Variants in METTL22 observed in about 807,000 individuals in gnomAD.
METTL22 encodes the protein methyltransferase 22, Kin17 lysine, also known as methyltransferase-like protein 22.
In METTL22, 51 loss-of-function variants were observed where a neutral mutation model predicts 48.4. That is an observed-to-expected ratio of 1.05 (90% CI 0.84 to 1.33). The LOEUF is 1.33. Among genes scored for constraint, METTL22 ranks in the 40% most tolerant of loss-of-function variants. The pLI is 0.00. For synonymous variants in METTL22, 255 were observed against 214.1 expected, an observed-to-expected ratio of 1.19 and a Z score of -1.67; for missense variants, 678 against 526.9, an observed-to-expected ratio of 1.29 and a Z score of -2.81.
chr16:8,644,589 CA>C lies in METTL22; in HGVS notation c.1044del (p.Cys349ValfsTer55). 2 of 1,592,528 alleles carry C rather than the reference CA, an allele frequency of 1.3e-6. No individual in the cohort carries two copies. The highest frequency in any genetic ancestry group is 1.7e-6 in the Non-Finnish European group (2 of 1,168,736). On this transcript the variant is annotated frameshift_variant, in exon 10 of 11. Coordinates refer to ENST00000381920, the MANE Select transcript of METTL22 (RefSeq NM_024109.4). LOFTEE classifies it high-confidence loss of function. ...LNFTLRHLDV[T>X]CEAYDHFRSC... ...TTCACATTGAGACACTTGGACGTCACATGTGAAGCCTACGATCACTTCCGCT... is the reference window on the plus strand; with the variant it reads ...TTCACATTGAGACACTTGGACGTCACTGTGAAGCCTACGATCACTTCCGCT...
In METTL22 at chr16:8,646,175, C is replaced by CA; in HGVS notation, c.*32_*33insA. On this transcript the variant is annotated 3_prime_UTR_variant, in exon 11 of 11. Coordinates refer to ENST00000381920, the MANE Select transcript of METTL22 (RefSeq NM_024109.4). Reference sequence around the variant, plus strand: ...GCCTCCACAAGGCGCGGCGTCTCGACTGTTCTTAGAGTGTATTTCTAGTAA... The same window carrying CA: ...GCCTCCACAAGGCGCGGCGTCTCGACATGTTCTTAGAGTGTATTTCTAGTAA... 1 of 1,613,314 alleles carries CA rather than the reference C, an allele frequency of 6.2e-7. No homozygotes were observed. The highest frequency in any genetic ancestry group is 8.5e-7 in the Non-Finnish European group (1 of 1,179,286).
chr16:8,642,444 G>A lies in METTL22; in HGVS notation c.908-19G>A, dbSNP rs1356009882. The A allele has an allele frequency of 3.7e-6, 6 of 1,610,614 alleles. No individual in the cohort carries two copies. The highest frequency in any genetic ancestry group is 5.1e-6 in the Non-Finnish European group (6 of 1,176,952). On this transcript the variant is annotated intron_variant, in intron 8 of 10. Transcript: ENST00000381920. ...ATTTGCGTGTTTTCCTCTAATGCTG[G>A]CCTTTTTGCTTCCCACAGTGTTTTA...
At chr16:8,663,570 T>C in the METTL22 span, among the ~76,000 whole-genome samples, 1 of 151,592 alleles carries the variant, frequency 6.6e-6, no homozygotes, top group South Asian at 2.1e-4. Flanking sequence ...GGGCCCCACC[T>C]GGAGGCTGGG....
intron 9 of METTL22, 153 bp downstream of exon 9, chr16:8,642,718 T>A: frequency 1.4e-6 from 1 of 737,044 alleles, no homozygotes; most frequent in Non-Finnish European, 2.4e-6. Context: ...ATCCTTTGTG[T>A]ACGTTACTGC....
chr16:8,633,766 A>G (rs2056338152), intron 3 of METTL22, among the ~76,000 whole-genome samples: 1 of 152,270 alleles, frequency 6.6e-6, no homozygotes, highest in Non-Finnish European at 1.5e-5. Context: ...ATTAAATGAG[A>G]AAGCATTTAG....
intron 9 of METTL22, chr16:8,642,868 C>A: frequency 2.3e-6 from 1 of 430,290 alleles, no homozygotes; most frequent in Admixed American, 3.5e-5. Context: ...GCAGACTGTA[C>A]TGGAACCTCA....
In METTL22 at chr16:8,649,338, G is replaced by A. The variant is rs368204893; in HGVS notation, c.*3195G>A. The A allele has an allele frequency of 7.9e-5, 12 of 152,180 alleles. No individual in the cohort carries two copies. The highest frequency in any genetic ancestry group is 2.4e-4 in the African/African-American group (10 of 41,446). The allele number at this position is 152,180 out of a possible 1,614,324, so 9.4% of individuals were successfully genotyped here. ...CTTGTTTGAGCCTCTACAAGTGCTT[G>A]TTTGGCAGCGATATTCAGAATCACC... On this transcript the variant is annotated 3_prime_UTR_variant, in exon 11 of 11. Coordinates refer to ENST00000381920, the MANE Select transcript of METTL22 (RefSeq NM_024109.4).
chr16:8,666,102 C>A, the METTL22 span, among the ~76,000 whole-genome samples: 169 of 152,258 alleles, frequency 1.1e-3, 3 homozygotes, highest in Non-Finnish European at 2.8e-4. Flanking sequence ...TGAGACTCAC[C>A]CTGAGGGTGT....
At chr16:8,658,169 A>G in the METTL22 span, among the ~76,000 whole-genome samples, 1 of 152,188 alleles carries the variant, frequency 6.6e-6, no homozygotes, top group South Asian at 2.1e-4. Flanking sequence ...CACAGTGAAG[A>G]TGGCCTATGA....
chr16:8,641,268 C>T, intron 7 of METTL22, 84 bp downstream of exon 7: 1 of 1,359,178 alleles, frequency 7.4e-7, no homozygotes, highest in Non-Finnish European at 1.0e-6. Context: ...GTGGTTTTGA[C>T]AGAGCTGTAG....
At chr16:8,661,906 G>C in the METTL22 span, among the ~76,000 whole-genome samples, 3 of 144,460 alleles carry the variant, frequency 2.1e-5, no homozygotes, top group East Asian at 6.0e-4. Flanking sequence ...GTAAGCTAAG[G>C]CTCGAATCTT....
chr16:8,651,406 T>C (rs1463594981), downstream of METTL22, among the ~76,000 whole-genome samples: 2 of 36,604 alleles, frequency 5.5e-5, 1 homozygote. Context: ...AAAAAAAACA[T>C]ACTAAATGAT....
chr16:8,662,464 T>C, the METTL22 span, among the ~76,000 whole-genome samples: 1 of 144,536 alleles, frequency 6.9e-6, no homozygotes, highest in African/African-American at 2.6e-5. Context: ...ACAGTCTTAT[T>C]CTGCCTGCCT....
chr16:8,633,632 G>A (rs1323232058), intron 3 of METTL22, among the ~76,000 whole-genome samples: 4 of 152,282 alleles, frequency 2.6e-5, no homozygotes, highest in African/African-American at 9.6e-5. Flanking sequence ...GAAAACTGCA[G>A]ATGACCTGAC....
In METTL22 at chr16:8,625,786, G is replaced by T; in HGVS notation, c.121G>T (p.Val41Leu). The part of the protein sequence containing the change: ...HRHLMVRLNS[V>L]GQPVFLSQFK... ...ACATCTCATGGTACGGCTGAACAGC[G>T]TGGGGCAGCCAGGTAAGGTCCTGGG... Residue 41 changes from valine (V) to leucine (L), a missense_variant, in exon 2 of 11, where the codon GTG becomes TTG. By Grantham distance (32) the Val-to-Leu change is conservative. Transcript: ENST00000381920. 1 of 1,614,170 alleles carries T rather than the reference G, an allele frequency of 6.2e-7. No individual in the cohort carries two copies. Among genetic ancestry groups the T allele is most frequent in the Non-Finnish European group, 8.5e-7 (1 of 1,180,016 alleles).
downstream of METTL22, among the ~76,000 whole-genome samples, chr16:8,651,291 G>A (rs577649546): frequency 9.3e-5 from 14 of 150,230 alleles, no homozygotes; most frequent in East Asian, 1.8e-3. Context: ...GGAGGCTAAG[G>A]CAGTAGAATG....
chr16:8,645,776 T>G, intron 10 of METTL22: 1 of 382,778 alleles, frequency 2.6e-6, no homozygotes, highest in Non-Finnish European at 3.9e-6. Flanking sequence ...ATCCTGTCTC[T>G]AAAATAAAAT....
At chr16:8,666,288 C>T in the METTL22 span, among the ~76,000 whole-genome samples, 2 of 152,158 alleles carry the variant, frequency 1.3e-5, no homozygotes, top group Admixed American at 6.5e-5. Flanking sequence ...TCTGTGCCGG[C>T]TCCCAGTGTT....
At chr16:8,643,116 G>A (rs2056675974) in intron 9 of METTL22, among the ~76,000 whole-genome samples, 1 of 152,174 alleles carries the variant, frequency 6.6e-6, no homozygotes, top group Non-Finnish European at 1.5e-5. Flanking sequence ...GTAGTCCACA[G>A]CTTTTCTGAA....
Sources: allele counts gnomAD v4.1 joint callset (sites outside exome capture counted in the v4.1 genomes callset), GRCh38; gene constraint gnomAD v4.1.1; transcripts MANE v1.5; gene names NCBI Gene and HGNC (gene_info 2026-07-23, HGNC 2026-07-21).